The following PHF21A variants were observed in gnomAD, a reference collection of about 807,000 sequenced individuals.
PHF21A encodes the protein BHC80a.
In PHF21A, 11 loss-of-function variants were observed where a neutral mutation model predicts 82.5. That is an observed-to-expected ratio of 0.13 (90% CI 0.08 to 0.22). The LOEUF is 0.22. PHF21A is among the 10% of genes least tolerant of loss of function. PHF21A has a pLI of 1.00. For missense variants in PHF21A, 579 were observed against 837.8 expected (o/e 0.69, Z 3.81); for synonymous variants, 297 against 302.8 (o/e 0.98, Z 0.20).
At chr11:46,100,515 T>C (rs1431463903) in intron 1 of PHF21A, among the ~76,000 whole-genome samples, 1 of 152,154 alleles carries the variant, frequency 6.6e-6, no homozygotes, top group Non-Finnish European at 1.5e-5. Context: ...AAAGTCTTCT[T>C]AAGTATAATT....
intron 6 of PHF21A, among the ~76,000 whole-genome samples, chr11:46,044,722 G>GA (rs909439875): frequency 2.6e-4 from 40 of 151,006 alleles, no homozygotes; most frequent in Middle Eastern, 3.4e-3. Context: ...TCCTTTTAAG[G>GA]AAAAAAAAAT....
At chr11:46,051,969 T>C (rs2096374129) in intron 6 of PHF21A, among the ~76,000 whole-genome samples, 1 of 152,154 alleles carries the variant, frequency 6.6e-6, no homozygotes, top group South Asian at 2.1e-4. Context: ...AAACTACTAG[T>C]AGAATTCCAA....
Position 45,975,377 on chromosome 11 carries a change from T to TAAAATAAAATAAAACAAAAC in PHF21A, c.361-4011_361-4010insGTTTTGTTTTATTTTATTTT, listed in dbSNP as rs748967157. Among the ~76,000 whole-genome samples the TAAAATAAAATAAAACAAAAC allele has an allele frequency of 4.6e-3, 599 of 130,480 alleles. 6 individuals carry two copies. Among genetic ancestry groups the TAAAATAAAATAAAACAAAAC allele is most frequent in the African/African-American group, 0.013 (461 of 35,960 alleles). The allele number at this position is 130,480 out of a possible 152,430, so 85.6% of individuals were successfully genotyped here. A position where few individuals can be genotyped will look rare whatever the true frequency, so the allele number is the denominator to read the frequency against. ...TAAAATAAAATAAAATAAAATAAAA[T>TAAAATAAAATAAAACAAAAC]AAAACAAAACAAAATAAAATAAAAC... On this transcript the variant is annotated intron_variant, in intron 7 of 18. Coordinates refer to ENST00000676320, the MANE Select transcript of PHF21A (RefSeq NM_001352027.3).
intron 6 of PHF21A, among the ~76,000 whole-genome samples, chr11:46,063,318 A>C (rs2096558101): frequency 1.3e-5 from 2 of 152,156 alleles, no homozygotes; most frequent in African/African-American, 2.4e-5. Context: ...GATGCCTAGT[A>C]TCTCTGAGTT....
chr11:46,039,176 T>C (rs906734072), intron 6 of PHF21A, among the ~76,000 whole-genome samples: 6 of 152,226 alleles, frequency 3.9e-5, no homozygotes, highest in Admixed American at 3.3e-4. Flanking sequence ...TGAAATAATA[T>C]GCTCTCAAAT....
chr11:45,990,250 CTTTTTTTTTTTTTT>C (rs201187984), intron 6 of PHF21A, among the ~76,000 whole-genome samples: 14 of 56,276 alleles, frequency 2.5e-4, no homozygotes, highest in East Asian at 5.2e-4. Context: ...TTTTCATCTT[CTTTTTTTTTTTTTT>C]TTTTTTTTTT....
chr11:46,043,752 C>T (rs1201505560), intron 6 of PHF21A, among the ~76,000 whole-genome samples: 1 of 152,102 alleles, frequency 6.6e-6, no homozygotes, highest in Non-Finnish European at 1.5e-5. Flanking sequence ...GCAATGTCTG[C>T]ATCTCCCACT....
At chr11:46,094,938 T>A (rs571991955) in intron 1 of PHF21A, among the ~76,000 whole-genome samples, 1 of 152,220 alleles carries the variant, frequency 6.6e-6, no homozygotes, top group South Asian at 2.1e-4. Flanking sequence ...ACCTAAGGGA[T>A]CCCCATGAAT....
chr11:46,111,412 G>A (rs1039128690), intron 1 of PHF21A, among the ~76,000 whole-genome samples: 13 of 152,156 alleles, frequency 8.5e-5, no homozygotes, highest in African/African-American at 3.1e-4. Context: ...AGAGGTTGCA[G>A]TGAGCTGATA....
At chr11:45,999,480 G>T (rs906425840) in intron 6 of PHF21A, among the ~76,000 whole-genome samples, 2 of 152,148 alleles carry the variant, frequency 1.3e-5, no homozygotes, top group African/African-American at 4.8e-5. Context: ...TTTACATTTA[G>T]AAGACTGTTC....
chr11:45,966,649 C>T (rs3021404), intron 9 of PHF21A, among the ~76,000 whole-genome samples: 1 of 152,098 alleles, frequency 6.6e-6, no homozygotes, highest in East Asian at 1.9e-4. Context: ...GAGATGGAGT[C>T]TCGCTCTGTT....
At chr11:46,110,638 A>C (rs1277385987) in intron 1 of PHF21A, among the ~76,000 whole-genome samples, 6 of 152,206 alleles carry the variant, frequency 3.9e-5, no homozygotes, top group African/African-American at 1.4e-4. Flanking sequence ...GTAACTGCTG[A>C]ATTTATTTCA....
chr11:46,064,224 T>C (rs1260048859), intron 6 of PHF21A, among the ~76,000 whole-genome samples: 1 of 152,170 alleles, frequency 6.6e-6, no homozygotes, highest in Non-Finnish European at 1.5e-5. Flanking sequence ...TCAGAACTGA[T>C]CTCTATCTTT....
chr11:46,086,985 A>T (rs1383284459), intron 3 of PHF21A, among the ~76,000 whole-genome samples: 1 of 152,230 alleles, frequency 6.6e-6, no homozygotes, highest in East Asian at 1.9e-4. Context: ...ACAGAAATAT[A>T]ACTAAGATTA....
chr11:46,111,216 C>A (rs1343223913), intron 1 of PHF21A, among the ~76,000 whole-genome samples: 1 of 151,676 alleles, frequency 6.6e-6, no homozygotes, highest in Non-Finnish European at 1.5e-5. Flanking sequence ...CGCCTGTAAT[C>A]CCAGCACTTT....
intron 6 of PHF21A, among the ~76,000 whole-genome samples, chr11:45,992,234 T>C (rs1439771012): frequency 6.6e-6 from 1 of 151,990 alleles, no homozygotes; most frequent in South Asian, 2.1e-4. Context: ...AATTAGACAT[T>C]ACTTAGAAAA....
intron 6 of PHF21A, among the ~76,000 whole-genome samples, chr11:45,994,358 A>G (rs571554211): frequency 4.6e-5 from 7 of 152,336 alleles, no homozygotes; most frequent in Admixed American, 4.6e-4. Context: ...GTCTTTTGAA[A>G]TAGAGCTCAG....
At chr11:46,044,823 T>A (rs1198986425) in intron 6 of PHF21A, among the ~76,000 whole-genome samples, 2 of 152,150 alleles carry the variant, frequency 1.3e-5, no homozygotes, top group African/African-American at 4.8e-5. Context: ...AACAAACATA[T>A]ACAAAAAGCA....
At chr11:46,095,173 C>A (rs1361332352) in intron 1 of PHF21A, among the ~76,000 whole-genome samples, 1 of 91,484 alleles carries the variant, frequency 1.1e-5, no homozygotes, top group Non-Finnish European at 2.3e-5. Flanking sequence ...TAATTGACTA[C>A]CATTTGGAAA....
Sources: gnomAD v4.1 joint callset for allele counts (sites outside exome capture counted in the v4.1 genomes callset) on GRCh38, gnomAD v4.1.1 for gene constraint, MANE v1.5 for transcripts, NCBI Gene and HGNC (gene_info 2026-07-23, HGNC 2026-07-21) for gene names.